PCDHGA10: variants seen among roughly 807,000 people sequenced by gnomAD.
PCDHGA10 encodes the protein protocadherin gamma-A10.
In PCDHGA10, 42 loss-of-function variants were observed where a neutral mutation model predicts 59.5. The ratio of observed to expected loss-of-function variants is 0.71; its 90% CI spans 0.55 to 0.91. PCDHGA10 has a LOEUF of 0.91. Ranked by LOEUF, PCDHGA10 falls within the 40% of genes least tolerant of loss-of-function variation. The pLI, the probability that PCDHGA10 is intolerant of heterozygous loss-of-function variation, is 0.00. For synonymous variants in PCDHGA10, 511 were observed against 517.2 expected (o/e 0.99, Z 0.16); for missense variants, 1,111 against 1,198.2 (o/e 0.93, Z 1.07).
At chr5:141,488,859 G>A (rs1033425540) in intron 1 of PCDHGA10, among the ~76,000 whole-genome samples, 12 of 152,204 alleles carry the variant, frequency 7.9e-5, no homozygotes, top group African/African-American at 2.9e-4. Context: ...GCAGCACGAA[G>A]TGAGTGGGGA....
intron 1 of PCDHGA10, chr5:141,426,347 T>C (rs977411941): frequency 5.2e-6 from 1 of 193,980 alleles, no homozygotes; most frequent in African/African-American, 2.3e-5. Context: ...TTCCCTTTCC[T>C]GCTGCCTTTG....
chr5:141,450,085 C>T (rs997781052), intron 1 of PCDHGA10, among the ~76,000 whole-genome samples: 3 of 149,208 alleles, frequency 2.0e-5, no homozygotes, highest in Non-Finnish European at 4.4e-5. Context: ...TGGCTCACTG[C>T]AACCTCCGCC....
intron 1 of PCDHGA10, among the ~76,000 whole-genome samples, chr5:141,468,046 C>T (rs540273405): frequency 1.3e-4 from 20 of 152,174 alleles, no homozygotes; most frequent in Non-Finnish European, 2.8e-4. Flanking sequence ...AAAACTAAGC[C>T]GGGCACAGTG....
intron 1 of PCDHGA10, among the ~76,000 whole-genome samples, chr5:141,455,860 ATTATTTATTTAT>A (rs145569377): frequency 0.023 from 3,231 of 139,812 alleles, 82 homozygotes; most frequent in African/African-American, 0.066. Context: ...AATTTCTTTT[ATTATTTATTTAT>A]TTATTTATTT....
In PCDHGA10 at chr5:141,511,519, C is replaced by G; in HGVS notation, c.*346C>G. 2.7e-6 allele frequency: 1 copy of G among 367,516 alleles called. No homozygotes were observed. Among genetic ancestry groups the G allele is most frequent in the African/African-American group, 2.1e-5 (1 of 48,286 alleles). 22.8% of individuals were successfully genotyped at this position (367,516 alleles called of 1,614,324 possible). A position where few individuals can be genotyped will look rare whatever the true frequency, so the allele number is the denominator to read the frequency against. ...CCAAATCAATCAGGCCCATCCATCC[C>G]ATGCCTCCCTCCTCCCCACCCCACT... On this transcript the variant is annotated 3_prime_UTR_variant, in exon 4 of 4. Coordinates refer to ENST00000398610, the MANE Select transcript of PCDHGA10 (RefSeq NM_018913.3).
chr5:141,505,590 A>G, intron 3 of PCDHGA10, 109 bp downstream of exon 3: 1 of 1,571,996 alleles, frequency 6.4e-7, no homozygotes, highest in East Asian at 2.3e-5. Context: ...TAGTTTCTCC[A>G]GATCTTTCGG....
rs769596449 is a variant in PCDHGA10, at chr5:141,415,362, G to A, written c.2187G>A (p.Leu729=). 4.3e-6 allele frequency: 7 copies of A among 1,614,126 alleles called. No individual in the cohort carries two copies. Among genetic ancestry groups the A allele is most frequent in the African/African-American group, 1.3e-5 (1 of 74,952 alleles). The change falls in exon 1 of 4, where the codon CTG becomes CTA. Residue 729 remains leucine (L), a synonymous_variant. Coordinates refer to ENST00000398610, the MANE Select transcript of PCDHGA10 (RefSeq NM_018913.3). The part of the protein sequence containing the change: ...RLRRWHKSRL[L]QASGGGLTGV... ...GGCGCTGGCACAAGTCACGCCTGCT[G>A]CAGGCTTCAGGAGGCGGCTTGACAG...
rs1000935525 is a variant in PCDHGA10 at position 141,512,962 on chromosome 5, G to A, written c.*1789G>A. The A allele has an allele frequency of 1.3e-5, 2 of 152,030 alleles. No individual in the cohort carries two copies. The highest frequency in any genetic ancestry group is 4.8e-5 in the African/African-American group (2 of 41,366). The allele number at this position is 152,030 out of a possible 1,614,324, so 9.4% of individuals were successfully genotyped here. ...TTCTTCGACAAAAAAATAATAAAACGTTTCTTCTGAAAAGCTGAACGTTTC... is the reference window on the plus strand; with the variant it reads ...TTCTTCGACAAAAAAATAATAAAACATTTCTTCTGAAAAGCTGAACGTTTC... On this transcript the variant is annotated 3_prime_UTR_variant, in exon 4 of 4. Transcript: ENST00000398610.
Position 141,491,963 on chromosome 5 carries a change from C to A in PCDHGA10, c.2437-2844C>A. ...CCCCCACCCCTACACTCAAAAAAGG[C>A]CGGGGCCTCCTTCGAGCTTCCGGTG... On this transcript the variant is annotated intron_variant, in intron 1 of 3. Coordinates refer to ENST00000398610, the MANE Select transcript of PCDHGA10 (RefSeq NM_018913.3). This position sits in a 1 kb window ranked among gnomAD's most constrained non-coding sequence, Gnocchi z 6.9. 2 of 944,828 alleles carry A rather than the reference C, an allele frequency of 2.1e-6. No homozygotes were observed. Among genetic ancestry groups the A allele is most frequent in the Non-Finnish European group, 3.0e-6 (2 of 670,874 alleles). 58.5% of individuals were successfully genotyped at this position (944,828 alleles called of 1,614,324 possible).
At position 141,511,262 on chromosome 5, in the gene PCDHGA10, G is replaced by A; in HGVS notation, c.*89G>A. 1 of 1,556,036 alleles carries A rather than the reference G, an allele frequency of 6.4e-7. No individual in the cohort carries two copies. The highest frequency in any genetic ancestry group is 8.7e-7 in the Non-Finnish European group (1 of 1,150,444). On this transcript the variant is annotated 3_prime_UTR_variant, in exon 4 of 4. Transcript: ENST00000398610. ...TGCACCCAGGCCTCAGAGTTTCAGG[G>A]CTAACCCCCAGAATACTGGTAGGGG...
intron 3 of PCDHGA10, among the ~76,000 whole-genome samples, chr5:141,507,803 G>GAC (rs2099863701): frequency 6.6e-6 from 1 of 152,228 alleles, no homozygotes; most frequent in Admixed American, 6.5e-5. Flanking sequence ...CCTGCGCCCT[G>GAC]GGGAACGGAC....
rs1439461935 is a variant in PCDHGA10 at position 141,511,976 on chromosome 5, G to A, written c.*803G>A. ...ATAAGGAAGGGAAGTGTGTGGATGT[G>A]GATGGTGGGGGCATGGACAAAGCTT... is the stretch of plus-strand genomic sequence containing the variant. On this transcript the variant is annotated 3_prime_UTR_variant, in exon 4 of 4. Coordinates refer to ENST00000398610, the MANE Select transcript of PCDHGA10 (RefSeq NM_018913.3). 6.5e-6 allele frequency: 1 copy of A among 153,384 alleles called. No homozygotes were observed. Among genetic ancestry groups the A allele is most frequent in the Non-Finnish European group, 1.5e-5 (1 of 68,664 alleles). 9.5% of individuals were successfully genotyped at this position (153,384 alleles called of 1,614,324 possible).
At chr5:141,474,772 G>T (rs1053853138) in intron 1 of PCDHGA10, among the ~76,000 whole-genome samples, 1 of 152,182 alleles carries the variant, frequency 6.6e-6, no homozygotes, top group Non-Finnish European at 1.5e-5. Context: ...AATAGTATGA[G>T]GCTCTAACAC....
rs144222319 is a variant in PCDHGA10, at chr5:141,505,519, C to T, written c.2584+38C>T. ...AGTGTGTGTATGGAAGAGTGGGAGACCTGGGGTTCTGGGGTGCATCTCACA... is the reference window on the plus strand; with the variant it reads ...AGTGTGTGTATGGAAGAGTGGGAGATCTGGGGTTCTGGGGTGCATCTCACA... On this transcript the variant is annotated intron_variant, in intron 3 of 3. Coordinates refer to ENST00000398610, the MANE Select transcript of PCDHGA10 (RefSeq NM_018913.3). The T allele has an allele frequency of 1.5e-3, 2,491 of 1,613,690 alleles. 3 individuals carry two copies. The highest frequency in any genetic ancestry group is 2.6e-3 in the Middle Eastern group (16 of 6,060).
At chr5:141,507,611 A>G (rs2099862056) in intron 3 of PCDHGA10, among the ~76,000 whole-genome samples, 1 of 152,258 alleles carries the variant, frequency 6.6e-6, no homozygotes, top group South Asian at 2.1e-4. Flanking sequence ...AAACAGGTAT[A>G]TTTAGCTGTT....
rs181495329 is a variant in PCDHGA10, at chr5:141,489,120, G to A, written c.2437-5687G>A. ...AACTGCTGCAAGCAGGCAAACCTCC[G>A]AGCAGTTTTTAAGAGGCTGGAAGGA... is the stretch of plus-strand genomic sequence containing the variant. On this transcript the variant is annotated intron_variant, in intron 1 of 3. Coordinates refer to ENST00000398610, the MANE Select transcript of PCDHGA10 (RefSeq NM_018913.3). This position sits in a 1 kb window ranked among gnomAD's most constrained non-coding sequence, Gnocchi z 4.5. 1.8e-5 allele frequency: 8 copies of A among 445,672 alleles called. No homozygotes were observed. The East Asian group carries it at 1.9e-4, about 11-fold the overall frequency. The allele number at this position is 445,672 out of a possible 1,614,324, so 27.6% of individuals were successfully genotyped here.
Position 141,432,831 on chromosome 5 carries a change from T to C in PCDHGA10, c.2436+17220T>C. 1 of 1,614,206 alleles carries C rather than the reference T, an allele frequency of 6.2e-7. No individual in the cohort carries two copies. Among genetic ancestry groups the C allele is most frequent in the Non-Finnish European group, 8.5e-7 (1 of 1,180,006 alleles). ...AACTCTGAAACCTCAGACCTCACTC[T>C]GTACCTGGTGGTAGCGGTGGCCGCG... On this transcript the variant is annotated intron_variant, in intron 1 of 3. Coordinates refer to ENST00000398610, the MANE Select transcript of PCDHGA10 (RefSeq NM_018913.3). The surrounding 1 kb of genome is among the most constrained non-coding windows in gnomAD (Gnocchi z 6.0).
intron 1 of PCDHGA10, among the ~76,000 whole-genome samples, chr5:141,472,400 G>A (rs2099279115): frequency 6.6e-6 from 1 of 152,024 alleles, no homozygotes; most frequent in East Asian, 1.9e-4. Flanking sequence ...AATTAGCCAG[G>A]CGTGGTGGCA....
Position 141,477,710 on chromosome 5 carries a change from G to A in PCDHGA10, c.2437-17097G>A, listed in dbSNP as rs747156156. ...GCCCCTAGACTATGAGGATCGGCGG[G>A]AATTTGAATTAACAGCTCATATCAG... On this transcript the variant is annotated intron_variant, in intron 1 of 3. Transcript: ENST00000398610. This position sits in a 1 kb window ranked among gnomAD's most constrained non-coding sequence, Gnocchi z 4.9. 2.5e-6 allele frequency: 4 copies of A among 1,613,918 alleles called. No homozygotes were observed. Among genetic ancestry groups the A allele is most frequent in the Middle Eastern group, 3.3e-4 (2 of 6,062 alleles).
Sources: allele counts gnomAD v4.1 joint callset (sites outside exome capture counted in the v4.1 genomes callset), GRCh38; gene constraint gnomAD v4.1.1; non-coding constraint Gnocchi (gnomAD v3.1); transcripts MANE v1.5; gene names NCBI Gene and HGNC (gene_info 2026-07-23, HGNC 2026-07-21).